The following CDH12 variants were observed in gnomAD, a reference collection of about 807,000 sequenced individuals.
The protein encoded by CDH12 is cadherin-12.
Under a neutral mutation model 74.1 loss-of-function variants are expected in CDH12, and 41 were observed. That is an observed-to-expected ratio of 0.55 (90% CI 0.43 to 0.72). CDH12 has a LOEUF of 0.72. CDH12 is among the 30% of genes least tolerant of loss of function. The pLI is 0.00. For missense variants in CDH12, 945 were observed against 977.2 expected (o/e 0.97, Z 0.44); for synonymous variants, 399 against 355.0 (o/e 1.12, Z -1.39).
intron 2 of CDH12, among the ~76,000 whole-genome samples, chr5:22,408,963 C>T (rs988485340): frequency 3.9e-5 from 6 of 151,924 alleles, no homozygotes; most frequent in African/African-American, 1.2e-4. Flanking sequence ...TACTGACTTA[C>T]CTATCACCAT....
At chr5:22,340,653 A>G (rs1580540450) in intron 3 of CDH12, among the ~76,000 whole-genome samples, 1 of 152,218 alleles carries the variant, frequency 6.6e-6, no homozygotes, top group African/African-American at 2.4e-5. Flanking sequence ...AATATTTAAT[A>G]AATGTATACC....
At chr5:21,967,970 C>T (rs953259448) in intron 6 of CDH12, among the ~76,000 whole-genome samples, 3 of 152,146 alleles carry the variant, frequency 2.0e-5, no homozygotes, top group African/African-American at 4.8e-5. Context: ...TACAAATCAA[C>T]GGCTTGTCTC....
At chr5:21,942,334 G>GTATATATATATATATATATATATATA (rs761850084) in intron 6 of CDH12, among the ~76,000 whole-genome samples, 14 of 107,040 alleles carry the variant, frequency 1.3e-4, no homozygotes, top group African/African-American at 5.1e-4. Context: ...GACAAATACA[G>GTATATATATATATATATATATATATA]TATATATATA....
chr5:22,519,605 A>T (rs1394792455), intron 1 of CDH12, among the ~76,000 whole-genome samples: 1 of 151,884 alleles, frequency 6.6e-6, no homozygotes, highest in Non-Finnish European at 1.5e-5. Flanking sequence ...TTGTATTTTT[A>T]GTAGAGACGG....
intron 1 of CDH12, among the ~76,000 whole-genome samples, chr5:22,812,904 T>C (rs1351135541): frequency 6.6e-6 from 1 of 151,796 alleles, no homozygotes; most frequent in African/African-American, 2.4e-5. Context: ...ATGTGTGCAG[T>C]TGAGGAGGTT....
intron 1 of CDH12, among the ~76,000 whole-genome samples, chr5:22,538,619 A>G (rs1737968246): frequency 6.6e-6 from 1 of 152,206 alleles, no homozygotes; most frequent in African/African-American, 2.4e-5. Context: ...CACCCATTTG[A>G]AGAACCACTA....
chr5:22,052,541 A>C lies in CDH12; in HGVS notation c.231+25905T>G, dbSNP rs140484452. ...GCACCTACACTGAGAGGTGTTGCTT[A>C]TACTAGTCTATTTCACTCCTTTGCT... is the stretch of plus-strand genomic sequence containing the variant. On this transcript the variant is annotated intron_variant, in intron 5 of 14. Coordinates refer to ENST00000382254, the MANE Select transcript of CDH12 (RefSeq NM_004061.5). 1.3e-3 allele frequency among the ~76,000 whole-genome samples: 195 copies of C among 152,258 alleles called. 2 individuals are homozygous for C. Among genetic ancestry groups the C allele is most frequent in the African/African-American group, 4.4e-3 (182 of 41,562 alleles).
At chr5:21,903,212 T>G (rs1753479975) in intron 6 of CDH12, among the ~76,000 whole-genome samples, 1 of 152,118 alleles carries the variant, frequency 6.6e-6, no homozygotes, top group Non-Finnish European at 1.5e-5. Flanking sequence ...AAGTGGTAAT[T>G]AACAGTGTGC....
chr5:22,722,061 C>T (rs916392843), intron 1 of CDH12, among the ~76,000 whole-genome samples: 10 of 152,188 alleles, frequency 6.6e-5, no homozygotes, highest in African/African-American at 2.4e-4. Flanking sequence ...TGACATATGT[C>T]ACCTTTTCTC....
At chr5:22,464,592 A>G (rs1018769354) in intron 2 of CDH12, among the ~76,000 whole-genome samples, 2 of 152,086 alleles carry the variant, frequency 1.3e-5, no homozygotes, top group Non-Finnish European at 2.9e-5. Context: ...CATCACTACA[A>G]ACTCTTCTCC....
intron 3 of CDH12, among the ~76,000 whole-genome samples, chr5:22,316,539 C>A (rs567028643): frequency 6.6e-6 from 1 of 152,084 alleles, no homozygotes; most frequent in Non-Finnish European, 1.5e-5. Context: ...TGTCTGATTC[C>A]TCAAAAACAA....
At chr5:22,329,985 A>T (rs1375743304) in intron 3 of CDH12, among the ~76,000 whole-genome samples, 1 of 152,218 alleles carries the variant, frequency 6.6e-6, no homozygotes, top group Non-Finnish European at 1.5e-5. Flanking sequence ...GAGCCAGTGG[A>T]CTAGGGTGGC....
chr5:22,181,439 T>G (rs1275257863), intron 4 of CDH12, among the ~76,000 whole-genome samples: 1 of 152,172 alleles, frequency 6.6e-6, no homozygotes, highest in African/African-American at 2.4e-5. Context: ...ACTGAAATTC[T>G]GAAAGACTCA....
chr5:22,188,736 A>C (rs1169526319), intron 4 of CDH12, among the ~76,000 whole-genome samples: 2 of 152,122 alleles, frequency 1.3e-5, no homozygotes, highest in Admixed American at 1.3e-4. Context: ...TCCTCAATTA[A>C]AACTCTCTCA....
chr5:22,172,727 T>G (rs982110666), intron 4 of CDH12, among the ~76,000 whole-genome samples: 5 of 151,806 alleles, frequency 3.3e-5, no homozygotes, highest in African/African-American at 1.2e-4. Context: ...TCTTATATTT[T>G]ATTGAATGCA....
chr5:22,057,999 TTCTA>T (rs79909356), intron 5 of CDH12, among the ~76,000 whole-genome samples: 42,893 of 149,208 alleles, frequency 0.29, 6,426 homozygotes, highest in Middle Eastern at 0.37. Context: ...TTTCCTTGTA[TTCTA>T]TCTATCTATC....
intron 2 of CDH12, among the ~76,000 whole-genome samples, chr5:22,486,522 G>A (rs1292823943): frequency 6.6e-6 from 1 of 150,392 alleles, no homozygotes; most frequent in Non-Finnish European, 1.5e-5. Flanking sequence ...CACGATCTCG[G>A]CTCACCGGAA....
chr5:22,187,406 T>A (rs541986876), intron 4 of CDH12, among the ~76,000 whole-genome samples: 44 of 151,928 alleles, frequency 2.9e-4, no homozygotes, highest in Non-Finnish European at 4.6e-4. Context: ...AAATAAGGAG[T>A]TCCCAGCAAC....
intron 5 of CDH12, among the ~76,000 whole-genome samples, chr5:21,985,181 T>A (rs184858803): frequency 0.016 from 2,421 of 152,248 alleles, 65 homozygotes; most frequent in African/African-American, 0.056. Flanking sequence ...TTTGTCATTA[T>A]CTTTTGTCAT....
Sources: gnomAD v4.1 joint callset for allele counts (sites outside exome capture counted in the v4.1 genomes callset) on GRCh38, gnomAD v4.1.1 for gene constraint, MANE v1.5 for transcripts, NCBI Gene and HGNC (gene_info 2026-07-23, HGNC 2026-07-21) for gene names.